RBFOX1: variants seen among roughly 807,000 people sequenced by gnomAD.
RBFOX1 encodes RNA binding fox-1 homolog 1.
RBFOX1 carries 8 observed loss-of-function variants against 57.7 expected under a neutral mutation model. The ratio of observed to expected loss-of-function variants is 0.14; its 90% CI spans 0.08 to 0.25. The LOEUF is 0.25. RBFOX1 is among the 10% of genes least tolerant of loss of function. RBFOX1 has a pLI of 1.00. For synonymous variants in RBFOX1, 326 were observed against 222.4 expected (o/e 1.47, Z -4.15); for missense variants, 611 against 548.5 (o/e 1.11, Z -1.14).
intron 4 of RBFOX1, among the ~76,000 whole-genome samples, chr16:7,122,458 A>T (rs1258779125): frequency 6.6e-6 from 1 of 152,026 alleles, no homozygotes; most frequent in Non-Finnish European, 1.5e-5. Context: ...GAAACAAAAA[A>T]CCGTGAAAAG....
intron 4 of RBFOX1, among the ~76,000 whole-genome samples, chr16:7,299,548 G>C (rs564204205): frequency 6.6e-6 from 1 of 152,266 alleles, no homozygotes; most frequent in Non-Finnish European, 1.5e-5. Context: ...TGCCTGGGAC[G>C]AAGCCCTTTA....
chr16:5,330,624 C>G (rs894730862), intron 1 of RBFOX1, among the ~76,000 whole-genome samples: 5 of 151,780 alleles, frequency 3.3e-5, no homozygotes, highest in African/African-American at 1.2e-4. Context: ...AGGCTGGCCT[C>G]GAACTTCTGA....
intron 2 of RBFOX1, among the ~76,000 whole-genome samples, chr16:5,548,172 A>T (rs200886065): frequency 0.063 from 1,670 of 26,606 alleles, 16 homozygotes; most frequent in South Asian, 0.096. Flanking sequence ...AAAAAAAAAA[A>T]AAATATATAT....
intron 3 of RBFOX1, among the ~76,000 whole-genome samples, chr16:6,952,103 T>G (rs997921178): frequency 6.6e-6 from 1 of 152,182 alleles, no homozygotes; most frequent in South Asian, 2.1e-4. Context: ...AACGATTGCT[T>G]TGTTCCTTCA....
At chr16:7,550,896 C>G (rs1465999513) in intron 5 of RBFOX1, among the ~76,000 whole-genome samples, 1 of 151,958 alleles carries the variant, frequency 6.6e-6, no homozygotes, top group Admixed American at 6.6e-5. Context: ...GAGTTTCAGA[C>G]CAGCCTGGCC....
chr16:7,003,565 C>T (rs377615858), intron 3 of RBFOX1, among the ~76,000 whole-genome samples: 3 of 151,778 alleles, frequency 2.0e-5, no homozygotes. Flanking sequence ...AAAATAAAAC[C>T]AGAGGTTGAA....
At chr16:7,197,847 A>G (rs1488781188) in intron 4 of RBFOX1, among the ~76,000 whole-genome samples, 1 of 152,154 alleles carries the variant, frequency 6.6e-6, no homozygotes, top group African/African-American at 2.4e-5. Context: ...CATTTCCGTG[A>G]AATATCCAGA....
intron 9 of RBFOX1, among the ~76,000 whole-genome samples, chr16:7,601,228 G>A (rs189046163): frequency 6.6e-6 from 1 of 152,298 alleles, no homozygotes; most frequent in East Asian, 1.9e-4. Flanking sequence ...TGAATTGTAG[G>A]AAGTTGTTTA....
At chr16:7,192,641 G>T (rs887497564) in intron 4 of RBFOX1, among the ~76,000 whole-genome samples, 3 of 152,190 alleles carry the variant, frequency 2.0e-5, no homozygotes, top group African/African-American at 7.2e-5. Context: ...AGACAGTTTA[G>T]ATCATAGTAT....
At chr16:5,333,713 T>A (rs8043898) in intron 1 of RBFOX1, among the ~76,000 whole-genome samples, 1,923 of 152,328 alleles carry the variant, frequency 0.013, 42 homozygotes, top group African/African-American at 0.044. Flanking sequence ...CAAACCTAGA[T>A]GGTATAGTCT....
At chr16:6,732,566 A>T (rs1303916384) in intron 3 of RBFOX1, among the ~76,000 whole-genome samples, 1 of 152,236 alleles carries the variant, frequency 6.6e-6, no homozygotes, top group Non-Finnish European at 1.5e-5. Flanking sequence ...GAATAGGCAG[A>T]CTTTCCACCA....
At chr16:7,373,480 G>T (rs972355758) in intron 4 of RBFOX1, among the ~76,000 whole-genome samples, 3 of 152,116 alleles carry the variant, frequency 2.0e-5, no homozygotes, top group Non-Finnish European at 2.9e-5. Context: ...TTCTCTCCTG[G>T]CAGAATAGAT....
At chr16:6,039,009 C>CAAAAAAAAAAAAAAAAA (rs754708262) in intron 1 of RBFOX1, 2 of 47,766 alleles carry the variant, frequency 4.2e-5, no homozygotes, top group African/African-American at 8.4e-5. Flanking sequence ...TGCTGGTTTG[C>CAAAAAAAAAAAAAAAAA]AAAAAAAAAA....
intron 2 of RBFOX1, among the ~76,000 whole-genome samples, chr16:6,518,344 TGA>T (rs1285642649): frequency 6.6e-6 from 1 of 151,392 alleles, no homozygotes; most frequent in East Asian, 2.2e-4. Context: ...AAGGACAAAC[TGA>T]GAGATTCATG....
chr16:5,411,374 G>A (rs1429047970), intron 1 of RBFOX1, among the ~76,000 whole-genome samples: 1 of 152,192 alleles, frequency 6.6e-6, no homozygotes, highest in East Asian at 1.9e-4. Context: ...GCTGTTGGCT[G>A]GAGATGGAGG....
intron 1 of RBFOX1, among the ~76,000 whole-genome samples, chr16:5,448,420 T>C (rs1344355147): frequency 6.6e-6 from 1 of 152,232 alleles, no homozygotes; most frequent in Non-Finnish European, 1.5e-5. Flanking sequence ...CATTGAAATA[T>C]AATGAACAGC....
intron 4 of RBFOX1, among the ~76,000 whole-genome samples, chr16:7,125,548 T>C (rs78651704): frequency 1.3e-5 from 2 of 152,138 alleles, no homozygotes; most frequent in African/African-American, 4.8e-5. Flanking sequence ...TGATAACTTA[T>C]GATGTGCCAA....
chr16:6,752,427 C>T (rs1198585855), intron 3 of RBFOX1, among the ~76,000 whole-genome samples: 4 of 152,122 alleles, frequency 2.6e-5, no homozygotes, highest in Non-Finnish European at 4.4e-5. Context: ...GTGATAGCTC[C>T]ATGTTTCAAG....
At chr16:7,411,257 A>G (rs1201066840) in intron 4 of RBFOX1, among the ~76,000 whole-genome samples, 1 of 151,882 alleles carries the variant, frequency 6.6e-6, no homozygotes, top group Non-Finnish European at 1.5e-5. Context: ...TTGAATTCTA[A>G]GAATGGGTGA....
Sources: gnomAD v4.1 joint callset for allele counts (sites outside exome capture counted in the v4.1 genomes callset) on GRCh38, gnomAD v4.1.1 for gene constraint, MANE v1.5 for transcripts, NCBI Gene and HGNC (gene_info 2026-07-23, HGNC 2026-07-21) for gene names.